Variants in ASCC1 observed in about 807,000 individuals in gnomAD.
The protein encoded by ASCC1 is ASC-1 complex subunit P50.
In ASCC1, 35 loss-of-function variants were observed where a neutral mutation model predicts 46.6. The ratio of observed to expected loss-of-function variants is 0.75; its 90% CI spans 0.57 to 0.99. ASCC1 has a LOEUF of 0.99. Ranked by LOEUF, ASCC1 falls within the 50% of genes least tolerant of loss-of-function variation. The pLI is 0.00. For missense variants in ASCC1, 376 were observed against 428.7 expected, an observed-to-expected ratio of 0.88 and a Z score of 1.09; for synonymous variants, 143 against 146.6, an observed-to-expected ratio of 0.98 and a Z score of 0.18.
chr10:72,158,383 T>C (rs1589393432), intron 6 of ASCC1, among the ~76,000 whole-genome samples: 4 of 152,252 alleles, frequency 2.6e-5, no homozygotes, highest in South Asian at 2.1e-4. Flanking sequence ...CACAGGAGGG[T>C]GCTGCTGTGA....
chr10:72,129,153 C>T (rs561369991), intron 8 of ASCC1, among the ~76,000 whole-genome samples: 9 of 152,152 alleles, frequency 5.9e-5, no homozygotes, highest in Non-Finnish European at 1.3e-4. Flanking sequence ...AACTATGGAA[C>T]TATGTCTCTA....
chr10:72,167,541 T>TTTA (rs1729691771), intron 5 of ASCC1, among the ~76,000 whole-genome samples: 1 of 152,146 alleles, frequency 6.6e-6, no homozygotes, highest in African/African-American at 2.4e-5. Flanking sequence ...ACTCTGTAAA[T>TTTA]TTATTTAAAA....
intron 9 of ASCC1, among the ~76,000 whole-genome samples, chr10:72,120,159 C>T (rs542158795): frequency 1.1e-4 from 17 of 152,182 alleles, no homozygotes; most frequent in Admixed American, 2.6e-4. Flanking sequence ...ACCCAGGAGG[C>T]GGAGGTTGCA....
intron 5 of ASCC1, among the ~76,000 whole-genome samples, chr10:72,172,810 TTATA>T (rs1564694425): frequency 3.0e-5 from 4 of 134,502 alleles, no homozygotes; most frequent in Non-Finnish European, 6.2e-5. Context: ...TATTTTTATA[TTATA>T]TATAATATAT....
chr10:72,186,152 A>C (rs1356282618), intron 5 of ASCC1, among the ~76,000 whole-genome samples: 3 of 151,666 alleles, frequency 2.0e-5, no homozygotes, highest in African/African-American at 7.3e-5. Context: ...AAAATATAAA[A>C]GAATATAACT....
intron 7 of ASCC1, among the ~76,000 whole-genome samples, chr10:72,148,516 A>C (rs1303704845): frequency 1.3e-5 from 2 of 152,238 alleles, no homozygotes; most frequent in African/African-American, 4.8e-5. Context: ...AATAACTATC[A>C]GTATTTGGTG....
chr10:72,113,710 G>A (rs1843174410), intron 9 of ASCC1, among the ~76,000 whole-genome samples: 1 of 152,134 alleles, frequency 6.6e-6, no homozygotes, highest in Non-Finnish European at 1.5e-5. Flanking sequence ...TATATCTGAT[G>A]CTCTAAGGAA....
chr10:72,171,300 A>G (rs113718901), intron 5 of ASCC1, among the ~76,000 whole-genome samples: 19 of 152,328 alleles, frequency 1.2e-4, no homozygotes, highest in African/African-American at 4.3e-4. Context: ...CGGAGGCTCC[A>G]GGGCAAATCA....
chr10:72,192,133 A>C (rs542295554), intron 5 of ASCC1, among the ~76,000 whole-genome samples: 2 of 152,134 alleles, frequency 1.3e-5, no homozygotes, highest in South Asian at 4.1e-4. Context: ...TCAACAATAT[A>C]CATAAAGAAC....
chr10:72,172,391 G>C (rs886983272), intron 5 of ASCC1, among the ~76,000 whole-genome samples: 11 of 142,698 alleles, frequency 7.7e-5, no homozygotes, highest in Non-Finnish European at 1.4e-4. Context: ...CTGCTGTCTG[G>C]GCAAAAGAGC....
chr10:72,212,563 T>G (rs1033220069), intron 2 of ASCC1, among the ~76,000 whole-genome samples: 1 of 152,090 alleles, frequency 6.6e-6, no homozygotes, highest in African/African-American at 2.4e-5. Flanking sequence ...ATAATTACTT[T>G]AGGGCCAAGT....
chr10:72,202,354 G>C (rs1452050587), intron 4 of ASCC1, among the ~76,000 whole-genome samples: 1 of 151,988 alleles, frequency 6.6e-6, no homozygotes, highest in Non-Finnish European at 1.5e-5. Flanking sequence ...TGTAGTCCCA[G>C]CTACTCGGGA....
chr10:72,168,708 G>A (rs1396341051), intron 5 of ASCC1, among the ~76,000 whole-genome samples: 3 of 152,276 alleles, frequency 2.0e-5, no homozygotes, highest in African/African-American at 4.8e-5. Context: ...AACAGGACTG[G>A]TGTCTTTATT....
intron 9 of ASCC1, among the ~76,000 whole-genome samples, chr10:72,103,862 ACAGT>A (rs1842065407): frequency 6.6e-6 from 1 of 152,188 alleles, no homozygotes; most frequent in Non-Finnish European, 1.5e-5. Flanking sequence ...CTTCTCCATG[ACAGT>A]CAAACTTACT....
At chr10:72,150,016 C>G (rs1848138212) in intron 7 of ASCC1, among the ~76,000 whole-genome samples, 1 of 152,010 alleles carries the variant, frequency 6.6e-6, no homozygotes, top group South Asian at 2.1e-4. Flanking sequence ...TGAAACCCGT[C>G]TCTACTAAAA....
chr10:72,194,704 AAC>A (rs1184416165), intron 5 of ASCC1, among the ~76,000 whole-genome samples: 3 of 152,250 alleles, frequency 2.0e-5, no homozygotes, highest in African/African-American at 4.8e-5. Flanking sequence ...AAATCACCTG[AAC>A]AGTTAATGAA....
Position 72,096,156 on chromosome 10 carries a change from G to A in ASCC1, c.*1178C>T, listed in dbSNP as rs1841071840. On this transcript the variant is annotated 3_prime_UTR_variant, in exon 10 of 10. Coordinates refer to ENST00000672957, the MANE Select transcript of ASCC1 (RefSeq NM_001198800.3). ...CAGAAGTGCAGTTAAAGAATATAAA[G>A]AGAGAAAGAATCAAGGCAAGAATAA... 3 of 453,992 alleles carry A rather than the reference G, an allele frequency of 6.6e-6. No individual in the cohort carries two copies. The highest frequency in any genetic ancestry group is 1.3e-5 in the Non-Finnish European group (3 of 226,784). The allele number at this position is 453,992 out of a possible 1,614,324, so 28.1% of individuals were successfully genotyped here.
intron 9 of ASCC1, among the ~76,000 whole-genome samples, chr10:72,120,952 T>C (rs1057414530): frequency 5.9e-5 from 9 of 151,926 alleles, no homozygotes; most frequent in African/African-American, 1.5e-4. Flanking sequence ...GAGGCAAAAA[T>C]AGAAACAAAG....
In ASCC1 at chr10:72,152,114, T is replaced by G. The variant is rs148921176; in HGVS notation, c.746+755A>C. 7.6e-4 allele frequency among the ~76,000 whole-genome samples: 115 copies of G among 150,708 alleles called. 5 individuals carry two copies. In the East Asian group the frequency reaches 0.019, roughly 24 times the overall value. ...CTCAGGTGATCCTCCCACCTCAGCCTCCTGAGCAGCTGAAACTACAGGCGC... is the reference window on the plus strand; with the variant it reads ...CTCAGGTGATCCTCCCACCTCAGCCGCCTGAGCAGCTGAAACTACAGGCGC... On this transcript the variant is annotated intron_variant, in intron 7 of 9. Coordinates refer to ENST00000672957, the MANE Select transcript of ASCC1 (RefSeq NM_001198800.3).
Sources: allele counts gnomAD v4.1 joint callset (sites outside exome capture counted in the v4.1 genomes callset), GRCh38; gene constraint gnomAD v4.1.1; transcripts MANE v1.5; gene names NCBI Gene and HGNC (gene_info 2026-07-23, HGNC 2026-07-21).